Variants in HHIP observed in about 807,000 individuals in gnomAD.
HHIP encodes hedgehog-interacting protein.
A neutral mutation model predicts 74.0 loss-of-function variants in HHIP; 12 were observed. The ratio of observed to expected loss-of-function variants is 0.16; its 90% CI spans 0.10 to 0.26. HHIP has a LOEUF of 0.26. Among genes scored for constraint, HHIP ranks in the 10% least tolerant of loss-of-function variants. The pLI is 1.00. For synonymous variants in HHIP, 309 were observed against 311.6 expected (o/e 0.99, Z 0.09); for missense variants, 788 against 845.0 (o/e 0.93, Z 0.84).
Position 144,707,248 on chromosome 4 carries a change from T to C in HHIP, c.1145T>C (p.Met382Thr), listed in dbSNP as rs768795418. The change falls in exon 6 of 13, where the codon ATG becomes ACG. Residue 382 changes from methionine (M) to threonine (T), a missense_variant. This residue lies in a region of HHIP where 72 missense variants were observed against 130.6 expected (regional missense o/e 0.55). Coordinates refer to ENST00000296575, the MANE Select transcript of HHIP (RefSeq NM_022475.3). ...GMITLDDMEEMDGLSDFTGSV... is the reference protein window; with the variant it reads ...GMITLDDMEETDGLSDFTGSV... ...ATTACACTGGATGATATGGAAGAAA[T>C]GGATGGGTTAAGGTAAAAGGCTGAT... The C allele has an allele frequency of 6.2e-7, 1 of 1,610,408 alleles. No homozygotes were observed.
Position 144,712,885 on chromosome 4 carries a change from G to GGTGTGTGT in HHIP, c.1423+830_1423+837dup, listed in dbSNP as rs4030000. Among the ~76,000 whole-genome samples, 298 of 144,130 alleles carry GGTGTGTGT rather than the reference G, an allele frequency of 2.1e-3. 2 individuals are homozygous for GGTGTGTGT. The highest frequency in any genetic ancestry group is 4.1e-4 in the Non-Finnish European group (27 of 66,194). 94.6% of individuals were successfully genotyped at this position (144,130 alleles called of 152,430 possible). A position where few individuals can be genotyped will look rare whatever the true frequency, so the allele number is the denominator to read the frequency against. On this transcript the variant is annotated intron_variant, in intron 8 of 12. Coordinates refer to ENST00000296575, the MANE Select transcript of HHIP (RefSeq NM_022475.3). The stretch of plus-strand genomic sequence containing the variant: ...ATTCAGTTATTTTACTTTTTTTTCA[G>GGTGTGTGT]GTGTGTGTGTGTGTGTGTGTGTGCA...
At chr4:144,646,976 G>C in intron 1 of HHIP, 22 bp downstream of exon 1, 1 of 1,573,218 alleles carries the variant, frequency 6.4e-7, no homozygotes, top group Non-Finnish European at 8.6e-7. Context: ...CCGGCTTCAC[G>C]GATGCGTACT....
chr4:144,655,554 G>A (rs897480206), intron 2 of HHIP, among the ~76,000 whole-genome samples: 3 of 152,114 alleles, frequency 2.0e-5, no homozygotes, highest in African/African-American at 7.2e-5. Context: ...CTATTGCTAA[G>A]AAGGCCAAGG....
chr4:144,737,874 C>T lies in HHIP; in HGVS notation c.2020C>T (p.Arg674Cys), dbSNP rs142555055. Reference protein sequence around the residue: ...PQCEQVDRNIRRVTRAGILDQ... With the variant: ...PQCEQVDRNICRVTRAGILDQ... ...ATGTGAACAAGTGGACAGAAACATCCGCAGAGTGACCAGGGCAGGTATTCT... is the reference window on the plus strand; with the variant it reads ...ATGTGAACAAGTGGACAGAAACATCTGCAGAGTGACCAGGGCAGGTATTCT... The change falls in exon 13 of 13, where the codon CGC becomes TGC. Residue 674 changes from arginine (R) to cysteine (C), a missense_variant. Around this residue, in one of 3 missense-constraint regions of HHIP, gnomAD observed 343 missense variants for 347.9 expected, o/e 0.99. Transcript: ENST00000296575. 89 of 1,613,652 alleles carry T rather than the reference C, an allele frequency of 5.5e-5. No individual in the cohort carries two copies. The highest frequency in any genetic ancestry group is 5.8e-5 in the Non-Finnish European group (68 of 1,179,770).
At chr4:144,714,190 T>A (rs200365301) in intron 8 of HHIP, 35 bp from the exon 9 acceptor site, 55 of 1,584,984 alleles carry the variant, frequency 3.5e-5, no homozygotes, top group Non-Finnish European at 4.6e-5. Flanking sequence ...TATGAAAATA[T>A]GTTTCATTTG....
chr4:144,677,049 T>G (rs569004540), intron 4 of HHIP, among the ~76,000 whole-genome samples: 1 of 152,332 alleles, frequency 6.6e-6, no homozygotes, highest in South Asian at 2.1e-4. Context: ...AGGGACTCTG[T>G]GTCTCTTCTG....
rs879702131 is a variant in HHIP, at chr4:144,743,759, G to A, written c.*5802G>A. 1.8e-4 allele frequency: 27 copies of A among 151,818 alleles called. No individual in the cohort carries two copies. Among genetic ancestry groups the A allele is most frequent in the Non-Finnish European group, 2.9e-4 (20 of 67,902 alleles). 9.4% of individuals were successfully genotyped at this position (151,818 alleles called of 1,614,324 possible). A position where few individuals can be genotyped will look rare whatever the true frequency, so the allele number is the denominator to read the frequency against. On this transcript the variant is annotated 3_prime_UTR_variant, in exon 13 of 13. Coordinates refer to ENST00000296575, the MANE Select transcript of HHIP (RefSeq NM_022475.3). ...AAAGAACTGAACATTAACAGTAATGGGAAATTCATAATGGCTAAATATGAA... is the reference window on the plus strand; with the variant it reads ...AAAGAACTGAACATTAACAGTAATGAGAAATTCATAATGGCTAAATATGAA...
intron 4 of HHIP, among the ~76,000 whole-genome samples, chr4:144,696,481 C>A (rs558277899): frequency 6.6e-6 from 1 of 151,856 alleles, no homozygotes; most frequent in Admixed American, 6.6e-5. Context: ...CTTCAGAAAC[C>A]CAAGTTACTT....
chr4:144,701,827 A>G (rs988902750), intron 4 of HHIP, among the ~76,000 whole-genome samples: 1 of 152,240 alleles, frequency 6.6e-6, no homozygotes, highest in Non-Finnish European at 1.5e-5. Flanking sequence ...AAGAAAAATT[A>G]TGTTTCCTAA....
intron 1 of HHIP, among the ~76,000 whole-genome samples, chr4:144,651,392 C>T (rs1046380335): frequency 6.6e-6 from 1 of 151,870 alleles, no homozygotes. Flanking sequence ...TTTTTCGTTA[C>T]TTTGCTCTTG....
chr4:144,673,129 C>A (rs946547013), intron 4 of HHIP, among the ~76,000 whole-genome samples: 6 of 152,172 alleles, frequency 3.9e-5, no homozygotes, highest in African/African-American at 1.4e-4. Context: ...GTTCTTTGTG[C>A]CTGTGAGCCA....
At chr4:144,713,952 T>C (rs1730370690) in intron 8 of HHIP, among the ~76,000 whole-genome samples, 1 of 152,158 alleles carries the variant, frequency 6.6e-6, no homozygotes, top group Non-Finnish European at 1.5e-5. Context: ...ATCCAGATTC[T>C]AATTTCATTG....
intron 4 of HHIP, among the ~76,000 whole-genome samples, chr4:144,680,090 A>G (rs1248715545): frequency 2.0e-5 from 3 of 152,184 alleles, no homozygotes; most frequent in Non-Finnish European, 4.4e-5. Context: ...AAGCATTCAA[A>G]AATAAAAAGT....
intron 4 of HHIP, among the ~76,000 whole-genome samples, chr4:144,691,465 T>C (rs570426736): frequency 1.3e-5 from 2 of 152,350 alleles, no homozygotes; most frequent in African/African-American, 4.8e-5. Context: ...TTTGTGTCCA[T>C]AATTAGGCTG....
rs189773845 is a variant in HHIP at position 144,672,728 on chromosome 4, G to A, written c.831+12890G>A. Among the ~76,000 whole-genome samples the A allele has an allele frequency of 4.2e-3, 635 of 152,062 alleles. 6 individuals carry two copies. The highest frequency in any genetic ancestry group is 0.014 in the African/African-American group (572 of 41,450). Reference sequence around the variant, plus strand: ...ATTTTATTTATTTATTTGAGATGGAGTCTTGCTTTGTCACCCAGGCTGGAG... The same window carrying A: ...ATTTTATTTATTTATTTGAGATGGAATCTTGCTTTGTCACCCAGGCTGGAG... On this transcript the variant is annotated intron_variant, in intron 4 of 12. Transcript: ENST00000296575.
intron 6 of HHIP, 125 bp downstream of exon 6, chr4:144,707,385 T>C: frequency 1.4e-6 from 1 of 703,330 alleles, no homozygotes; most frequent in Non-Finnish European, 2.3e-6. Flanking sequence ...TACTTAACTT[T>C]TGTCATCAGT....
intron 11 of HHIP, among the ~76,000 whole-genome samples, chr4:144,719,413 T>C (rs1730567629): frequency 6.6e-6 from 1 of 152,206 alleles, no homozygotes; most frequent in African/African-American, 2.4e-5. Context: ...ATTTGGAAAC[T>C]ATCTGAAAGC....
chr4:144,701,889 A>G (rs1729994610), intron 4 of HHIP, among the ~76,000 whole-genome samples: 1 of 152,230 alleles, frequency 6.6e-6, no homozygotes, highest in East Asian at 1.9e-4. Flanking sequence ...TTAAAGCAAA[A>G]ACAGAAACCA....
At chr4:144,731,528 T>C (rs1730954227) in intron 11 of HHIP, among the ~76,000 whole-genome samples, 1 of 152,166 alleles carries the variant, frequency 6.6e-6, no homozygotes, top group African/African-American at 2.4e-5. Flanking sequence ...CCAGCAATTC[T>C]CCTGCCTCAG....
Sources: allele counts gnomAD v4.1 joint callset (sites outside exome capture counted in the v4.1 genomes callset), GRCh38; gene constraint gnomAD v4.1.1; regional missense constraint gnomAD v4.1.1; transcripts MANE v1.5; gene names NCBI Gene and HGNC (gene_info 2026-07-23, HGNC 2026-07-21).